The following RBKS variants were observed in gnomAD, a reference collection of about 807,000 sequenced individuals.
RBKS encodes the protein ribokinase.
Under a neutral mutation model 33.9 loss-of-function variants are expected in RBKS, and 33 were observed. The observed-to-expected ratio is 0.97, with a 90% CI of 0.74 to 1.30. RBKS has a LOEUF of 1.30. Ranked by LOEUF, RBKS falls within the 50% of genes most tolerant of loss-of-function variation. RBKS has a pLI of 0.00. For missense variants in RBKS, 361 were observed against 392.6 expected (o/e 0.92, Z 0.68); for synonymous variants, 125 against 143.0 (o/e 0.87, Z 0.90).
chr2:27,805,694 C>T (rs1255623256), intron 7 of RBKS, among the ~76,000 whole-genome samples: 2 of 152,008 alleles, frequency 1.3e-5, no homozygotes, highest in Non-Finnish European at 2.9e-5. Flanking sequence ...CCTGCCTCAG[C>T]CTCCCGAGTA....
chr2:27,882,649 T>C (rs1664441701), intron 1 of RBKS, among the ~76,000 whole-genome samples: 2 of 152,228 alleles, frequency 1.3e-5, no homozygotes, highest in East Asian at 1.9e-4. Context: ...ACAGCACTAT[T>C]CACAATAGCA....
chr2:27,801,618 G>A (rs946091313), intron 7 of RBKS, among the ~76,000 whole-genome samples: 2 of 151,912 alleles, frequency 1.3e-5, no homozygotes, highest in Non-Finnish European at 2.9e-5. Context: ...GGTGTGTTAG[G>A]CAGTTCTTGC....
chr2:27,794,614 GTTT>G (rs991159848), intron 7 of RBKS, among the ~76,000 whole-genome samples: 74 of 135,312 alleles, frequency 5.5e-4, no homozygotes, highest in African/African-American at 1.9e-3. Flanking sequence ...GAACACTTTC[GTTT>G]TTTTTTCTTT....
chr2:27,886,473 T>G (rs1421481570), intron 1 of RBKS, among the ~76,000 whole-genome samples: 3 of 152,172 alleles, frequency 2.0e-5, no homozygotes, highest in Non-Finnish European at 4.4e-5. Context: ...TCCTTATCAG[T>G]TTATAAAGTT....
At chr2:27,851,013 T>C (rs566072495) in intron 2 of RBKS, among the ~76,000 whole-genome samples, 1 of 152,310 alleles carries the variant, frequency 6.6e-6, no homozygotes, top group African/African-American at 2.4e-5. Context: ...TGTTACCTGC[T>C]TGGCTCCTGT....
chr2:27,881,166 T>C (rs1008707647), intron 1 of RBKS, among the ~76,000 whole-genome samples: 13 of 152,144 alleles, frequency 8.5e-5, no homozygotes, highest in African/African-American at 3.1e-4. Flanking sequence ...GGGGGATTGC[T>C]GGAGCCTGGA....
At chr2:27,791,388 T>C (rs1167984187) in intron 7 of RBKS, among the ~76,000 whole-genome samples, 1 of 152,186 alleles carries the variant, frequency 6.6e-6, no homozygotes, top group African/African-American at 2.4e-5. Context: ...CATCTTCTAA[T>C]CTGTTGAGGG....
At chr2:27,861,936 C>T (rs1356493089) in intron 1 of RBKS, among the ~76,000 whole-genome samples, 3 of 149,272 alleles carry the variant, frequency 2.0e-5, no homozygotes, top group East Asian at 3.9e-4. Flanking sequence ...TGATCCATGG[C>T]GCCTGGCCTG....
intron 1 of RBKS, among the ~76,000 whole-genome samples, chr2:27,875,774 G>A (rs1021185239): frequency 2.6e-5 from 4 of 152,114 alleles, no homozygotes; most frequent in Admixed American, 2.6e-4. Flanking sequence ...AAAATGCTGG[G>A]GCTGAGATTG....
chr2:27,802,139 C>T (rs937601937), intron 7 of RBKS, among the ~76,000 whole-genome samples: 1 of 150,310 alleles, frequency 6.7e-6, no homozygotes, highest in South Asian at 2.1e-4. Context: ...TGCCCCACCA[C>T]CATACTTTTA....
intron 2 of RBKS, among the ~76,000 whole-genome samples, chr2:27,853,232 G>A (rs1663786834): frequency 6.6e-6 from 1 of 151,774 alleles, no homozygotes; most frequent in Non-Finnish European, 1.5e-5. Flanking sequence ...TGGGTGTGGT[G>A]CTGCATGCCT....
chr2:27,793,220 A>G (rs541716481), intron 7 of RBKS, among the ~76,000 whole-genome samples: 29 of 152,352 alleles, frequency 1.9e-4, no homozygotes, highest in Non-Finnish European at 4.0e-4. Context: ...AAAAGTCACT[A>G]TTCTGCAACA....
At position 27,858,454 on chromosome 2, in the gene RBKS, C is replaced by T. The variant is rs1222865397; in HGVS notation, c.207G>A (p.Thr69=). 4 of 1,613,632 alleles carry T rather than the reference C, an allele frequency of 2.5e-6. No homozygotes were observed. Among genetic ancestry groups the T allele is most frequent in the South Asian group, 1.1e-5 (1 of 91,056 alleles). ...CVQAARLGAM[T]SMVCKVGKDS... is the part of the protein sequence containing the mutation. ...TTGTACTTACCTTACACACCATGGA[C>T]GTCATTGCTCCAAGCCGAGCAGCTT... The change falls in exon 2 of 8, where the codon ACG becomes ACA. Residue 69 remains threonine, a synonymous_variant. Coordinates refer to ENST00000302188, the MANE Select transcript of RBKS (RefSeq NM_022128.3).
rs77370238 is a variant in RBKS at position 27,782,842 on chromosome 2, C to T, written c.796-1054G>A. 1,032 of 243,530 alleles carry T rather than the reference C, an allele frequency of 4.2e-3. 6 individuals are homozygous for T. The highest frequency in any genetic ancestry group is 7.4e-3 in the Non-Finnish European group (836 of 112,324). The allele number at this position is 243,530 out of a possible 1,614,324, so 15.1% of individuals were successfully genotyped here. ...CACTCTTAAGGGTTGGGGAATTATT[C>T]CCTGAAGTTATGCTCTATCTCCTTA... On this transcript the variant is annotated intron_variant, in intron 7 of 7. Coordinates refer to ENST00000302188, the MANE Select transcript of RBKS (RefSeq NM_022128.3).
At chr2:27,861,676 G>GGC in intron 1 of RBKS, 2 of 426,082 alleles carry the variant, frequency 4.7e-6, no homozygotes, top group South Asian at 1.8e-5. Context: ...GGGGGGGGTG[G>GGC]AGTCTCACTT....
intron 1 of RBKS, among the ~76,000 whole-genome samples, chr2:27,877,736 C>G (rs1664341152): frequency 6.6e-6 from 1 of 152,080 alleles, no homozygotes; most frequent in South Asian, 2.1e-4. Context: ...TGATTCATGC[C>G]CACTTTACTA....
At chr2:27,823,535 T>C (rs1219570046) in intron 7 of RBKS, among the ~76,000 whole-genome samples, 1 of 152,102 alleles carries the variant, frequency 6.6e-6, no homozygotes, top group Non-Finnish European at 1.5e-5. Flanking sequence ...GACAGAAAAG[T>C]GAAGGAGCCC....
rs975160201 is a variant in RBKS, at chr2:27,843,159, T to C, written c.422A>G (p.Asn141Ser). Residue 141 changes from asparagine (N) to serine (S), a missense_variant, in exon 5 of 8, where the codon AAT (asparagine) becomes AGT (serine). By Grantham distance (46) the Asn-to-Ser change is conservative (BLOSUM62 1). Coordinates refer to ENST00000302188, the MANE Select transcript of RBKS (RefSeq NM_022128.3). ...CATGACTTTGGCTCTGCTAATGACA[T>C]TGGCTGCTGCCCTCAGATCCTCCGT... ...LNTEDLRAAANVISRAKVMVC... is the reference protein window; with the variant it reads ...LNTEDLRAAASVISRAKVMVC... 14 of 1,613,084 alleles carry C rather than the reference T, an allele frequency of 8.7e-6. No individual in the cohort carries two copies. The highest frequency in any genetic ancestry group is 5.3e-5 in the African/African-American group (4 of 74,886).
intron 2 of RBKS, among the ~76,000 whole-genome samples, chr2:27,856,455 T>C (rs1573067130): frequency 6.6e-6 from 1 of 152,232 alleles, no homozygotes; most frequent in South Asian, 2.1e-4. Flanking sequence ...TCCACTCATA[T>C]GGTTTTAGGA....
Sources: gnomAD v4.1 joint callset for allele counts (sites outside exome capture counted in the v4.1 genomes callset) on GRCh38, gnomAD v4.1.1 for gene constraint, MANE v1.5 for transcripts, NCBI Gene and HGNC (gene_info 2026-07-23, HGNC 2026-07-21) for gene names.